The following MID1 variants were observed in gnomAD, a reference collection of about 807,000 sequenced individuals.
MID1 encodes midline 1, also known as E3 ubiquitin-protein ligase Midline-1.
A neutral mutation model predicts 40.4 loss-of-function variants in MID1; 7 were observed. That is an observed-to-expected ratio of 0.17 (90% CI 0.10 to 0.33). The LOEUF (loss-of-function observed/expected upper bound fraction) is 0.33, where lower values mean the gene tolerates loss of function less well. Among genes scored for constraint, MID1 ranks in the 10% least tolerant of loss-of-function variants. The pLI is 1.00. For missense variants in MID1, 367 were observed against 558.5 expected, an observed-to-expected ratio of 0.66 and a Z score of 3.46; for synonymous variants, 229 against 221.2, an observed-to-expected ratio of 1.04 and a Z score of -0.31.
intron 1 of MID1, among the ~76,000 whole-genome samples, chrX:10,576,118 AATT>A (rs753879010): frequency 0.11 from 11,734 of 109,761 alleles, 1,168 homozygotes; most frequent in African/African-American, 0.3. Flanking sequence ...GAAGTGCTGA[AATT>A]ATTATTATTA....
chrX:10,565,809 T>C (rs1188527793), intron 2 of MID1, among the ~76,000 whole-genome samples: 3 of 97,270 alleles, frequency 3.1e-5, no homozygotes, highest in African/African-American at 1.2e-4. Flanking sequence ...AGAGAGTGAT[T>C]TTTTTTTTTT....
chrX:10,723,710 C>T (rs1343489254), intron 1 of MID1, among the ~76,000 whole-genome samples: 1 of 112,421 alleles, frequency 8.9e-6, no homozygotes, highest in African/African-American at 3.2e-5. Context: ...CGCCACCGCG[C>T]CCGGCTAATT....
intron 1 of MID1, among the ~76,000 whole-genome samples, chrX:10,580,183 C>T (rs979283708): frequency 6.1e-4 from 62 of 102,113 alleles, no homozygotes; most frequent in Non-Finnish European, 7.2e-4. Context: ...CACATTCAAT[C>T]ACATGCCCCC....
chrX:10,547,660 G>GA (rs910922149), intron 2 of MID1, among the ~76,000 whole-genome samples: 2 of 98,151 alleles, frequency 2.0e-5, no homozygotes, highest in African/African-American at 7.4e-5. Context: ...GAAAAGAAAA[G>GA]AAAAAAAGAA....
intron 1 of MID1, among the ~76,000 whole-genome samples, chrX:10,774,545 G>C (rs1253639496): frequency 1.8e-5 from 2 of 110,403 alleles, no homozygotes; most frequent in Non-Finnish European, 3.8e-5. Flanking sequence ...TATGGCACTT[G>C]TATTCCCATG....
intron 1 of MID1, among the ~76,000 whole-genome samples, chrX:10,814,676 C>T (rs2044124483): frequency 9.0e-6 from 1 of 110,508 alleles, no homozygotes; most frequent in Admixed American, 9.8e-5. Flanking sequence ...CCTGTGTTGT[C>T]CTTTCATAAC....
At chrX:10,775,128 G>A (rs1245251745) in intron 1 of MID1, among the ~76,000 whole-genome samples, 2 of 102,941 alleles carry the variant, frequency 1.9e-5, no homozygotes, top group Non-Finnish European at 4.0e-5. Flanking sequence ...AAGGAGGGGC[G>A]AGGGAGGAGG....
intron 1 of MID1, among the ~76,000 whole-genome samples, chrX:10,585,174 A>G (rs973834441): frequency 9.9e-5 from 11 of 111,382 alleles, no homozygotes; most frequent in African/African-American, 2.0e-4. Flanking sequence ...CCTTGGTTTC[A>G]CGTCTGGTTG....
intron 1 of MID1, among the ~76,000 whole-genome samples, chrX:10,575,046 C>T (rs1406239793): frequency 1.8e-5 from 2 of 112,667 alleles, no homozygotes; most frequent in Non-Finnish European, 3.7e-5. Flanking sequence ...GAACAGGAAG[C>T]TCCTATAAGT....
intron 1 of MID1, among the ~76,000 whole-genome samples, chrX:10,634,804 G>A (rs1203093620): frequency 8.9e-6 from 1 of 112,156 alleles, no homozygotes; most frequent in Non-Finnish European, 1.9e-5. Context: ...CCTGGAATTC[G>A]TCTGTTCTTG....
At chrX:10,725,441 T>C (rs2043383434) in intron 1 of MID1, among the ~76,000 whole-genome samples, 1 of 112,337 alleles carries the variant, frequency 8.9e-6, no homozygotes, top group South Asian at 3.7e-4. Context: ...CATGTAACCA[T>C]TTTTTAAATT....
chrX:10,781,326 A>G (rs2043844021), intron 1 of MID1, among the ~76,000 whole-genome samples: 1 of 111,728 alleles, frequency 9.0e-6, no homozygotes, highest in South Asian at 3.8e-4. Flanking sequence ...TAGGGAAGTG[A>G]TATCCCCAGA....
rs779025016 is a variant in MID1 at position 10,813,661 on chromosome X, A to C, written c.-187+19893T>G. On this transcript the variant is annotated intron_variant, in intron 1 of 10. Coordinates refer to the MID1 transcript ENST00000380785. ...ATACAAGCAGAACAACCCAAGACAC[A>C]TGCTATTGATTCAGGCAGTTGTACT... 1.4e-4 allele frequency among the ~76,000 whole-genome samples: 16 copies of C among 111,385 alleles called. No homozygotes were observed. The Admixed American group carries it at 1.5e-3, about 11-fold the overall frequency.
At chrX:10,698,883 G>T (rs1018439206) in intron 1 of MID1, among the ~76,000 whole-genome samples, 1 of 111,424 alleles carries the variant, frequency 9.0e-6, no homozygotes, top group African/African-American at 3.3e-5. Flanking sequence ...GAGATCACAA[G>T]AATTTAAATC....
rs762272910 is a variant in MID1 at position 10,567,177 on chromosome X, T to C, written c.371A>G (p.Gln124Arg). 1 of 1,211,629 alleles carries C rather than the reference T, an allele frequency of 8.3e-7. No homozygotes were observed. Among genetic ancestry groups the C allele is most frequent in the African/African-American group, 1.7e-5 (1 of 57,743 alleles). The part of the protein sequence containing the change: ...AEKVLCQFCD[Q>R]DPAQDAVKTC... The stretch of plus-strand genomic sequence containing the variant: ...CTTCACAGCGTCCTGGGCAGGATCC[T>C]GGTCACAAAACTGGCAGAGGACCTT... Residue 124 changes from glutamine to arginine, a missense_variant, in exon 2 of 10, where the codon CAG (glutamine) becomes CGG (arginine). Coordinates refer to ENST00000317552, the MANE Select transcript of MID1 (RefSeq NM_000381.4).
intron 2 of MID1, among the ~76,000 whole-genome samples, chrX:10,524,783 TC>T (rs2147372850): frequency 8.9e-6 from 1 of 112,337 alleles, no homozygotes; most frequent in East Asian, 2.8e-4. Flanking sequence ...GAGGGCCAAG[TC>T]TTGCAGCTGA....
chrX:10,792,089 T>C (rs1317686425), intron 1 of MID1, among the ~76,000 whole-genome samples: 1 of 111,550 alleles, frequency 9.0e-6, no homozygotes, highest in Non-Finnish European at 1.9e-5. Flanking sequence ...ATCAGCAAAC[T>C]TGTTATAAAT....
At chrX:10,522,021 T>A (rs1406136020) in intron 3 of MID1, among the ~76,000 whole-genome samples, 3 of 111,202 alleles carry the variant, frequency 2.7e-5, no homozygotes. Flanking sequence ...TTGTATTTTT[T>A]AATAGAGATG....
chrX:10,633,504 G>A (rs1218355369), intron 1 of MID1, among the ~76,000 whole-genome samples: 1 of 110,896 alleles, frequency 9.0e-6, no homozygotes, highest in African/African-American at 3.3e-5. Context: ...CTAGAGTGCA[G>A]TGATGTGATT....
Sources: allele counts gnomAD v4.1 joint callset (sites outside exome capture counted in the v4.1 genomes callset), GRCh38; gene constraint gnomAD v4.1.1; transcripts MANE v1.5; gene names NCBI Gene and HGNC (gene_info 2026-07-23, HGNC 2026-07-21).